HMCN1: variants seen among roughly 807,000 people sequenced by gnomAD.
HMCN1 encodes hemicentin 1.
In HMCN1, 321 loss-of-function variants were observed where a neutral mutation model predicts 625.9. The observed-to-expected ratio is 0.51, with a 90% CI of 0.47 to 0.56. HMCN1 has a LOEUF of 0.56. Among genes scored for constraint, HMCN1 ranks in the 20% least tolerant of loss-of-function variants. The pLI is 0.00. For synonymous variants in HMCN1, 2,425 were observed against 2,417.6 expected, an observed-to-expected ratio of 1.00 and a Z score of -0.09; for missense variants, 6,588 against 6,887.3, an observed-to-expected ratio of 0.96 and a Z score of 1.54.
At chr1:186,124,377 T>C (rs1370282441) in intron 81 of HMCN1, among the ~76,000 whole-genome samples, 2 of 151,984 alleles carry the variant, frequency 1.3e-5, no homozygotes, top group African/African-American at 2.4e-5. Flanking sequence ...CTAAAATCAA[T>C]ATAAAGTCAT....
intron 2 of HMCN1, among the ~76,000 whole-genome samples, chr1:185,859,129 TG>T (rs1353429696): frequency 1.7e-5 from 1 of 58,072 alleles, no homozygotes; most frequent in African/African-American, 1.2e-4. Context: ...TTATAAACTT[TG>T]TGTGTGTGTG....
chr1:185,783,234 G>C (rs1006305141), intron 1 of HMCN1, among the ~76,000 whole-genome samples: 1 of 152,134 alleles, frequency 6.6e-6, no homozygotes, highest in African/African-American at 2.4e-5. Flanking sequence ...GCTTATTCTA[G>C]TTACCCATTC....
chr1:185,914,682 C>A (rs1014571755), intron 6 of HMCN1, among the ~76,000 whole-genome samples: 1 of 151,822 alleles, frequency 6.6e-6, no homozygotes, highest in African/African-American at 2.4e-5. Flanking sequence ...CCACAAAGTT[C>A]AGCTCAAATG....
intron 1 of HMCN1, among the ~76,000 whole-genome samples, chr1:185,787,137 A>C (rs577887444): frequency 7.6e-6 from 1 of 132,284 alleles, no homozygotes; most frequent in East Asian, 2.1e-4. Flanking sequence ...AAGCGCCATG[A>C]TGTATGTGTG....
At chr1:185,868,178 T>C (rs1158307122) in intron 4 of HMCN1, among the ~76,000 whole-genome samples, 1 of 151,864 alleles carries the variant, frequency 6.6e-6, no homozygotes, top group South Asian at 2.1e-4. Context: ...ACAACAAAAG[T>C]GTGTCCTGGG....
rs141996379 is a variant in HMCN1 at position 185,747,719 on chromosome 1, A to G, written c.268+12672A>G. Among the ~76,000 whole-genome samples the G allele has an allele frequency of 2.1e-3, 318 of 152,364 alleles. 1 individual carries two copies. The highest frequency in any genetic ancestry group is 7.1e-3 in the African/African-American group (296 of 41,578). On this transcript the variant is annotated intron_variant, in intron 1 of 106. Coordinates refer to ENST00000271588, the MANE Select transcript of HMCN1 (RefSeq NM_031935.3). The stretch of plus-strand genomic sequence containing the variant: ...AGATGGGGAAAATTACATAGGAGCT[A>G]GGAATTCTGGGAATTATGTATGGGT...
chr1:185,807,499 A>G (rs1326206403), intron 1 of HMCN1, among the ~76,000 whole-genome samples: 1 of 152,238 alleles, frequency 6.6e-6, no homozygotes, highest in East Asian at 1.9e-4. Context: ...AGTAATATAC[A>G]CAGGAATACA....
At chr1:185,735,147 T>C in intron 1 of HMCN1, 100 bp downstream of exon 1, 3 of 1,356,568 alleles carry the variant, frequency 2.2e-6, no homozygotes, top group Non-Finnish European at 3.1e-6. Context: ...CAAAACCATT[T>C]TAAAAAAATG....
At chr1:185,957,144 A>G (rs1345606240) in intron 11 of HMCN1, 1 of 152,222 alleles carries the variant, frequency 6.6e-6, no homozygotes, top group Non-Finnish European at 1.5e-5. Context: ...TCATTATGTA[A>G]GTACTTTCTT....
At chr1:185,868,697 A>G (rs1663424969) in intron 4 of HMCN1, among the ~76,000 whole-genome samples, 1 of 152,208 alleles carries the variant, frequency 6.6e-6, no homozygotes, top group African/African-American at 2.4e-5. Context: ...GCTGCATGAG[A>G]AAGCACTAAT....
chr1:186,071,252 T>A (rs1474943653), intron 52 of HMCN1, among the ~76,000 whole-genome samples: 1 of 152,180 alleles, frequency 6.6e-6, no homozygotes, highest in Non-Finnish European at 1.5e-5. Context: ...TTAAGTATCT[T>A]TAACTCTTTT....
intron 1 of HMCN1, among the ~76,000 whole-genome samples, chr1:185,750,727 T>C (rs958263519): frequency 2.0e-5 from 3 of 152,284 alleles, no homozygotes; most frequent in African/African-American, 7.2e-5. Flanking sequence ...ATTGTGATTT[T>C]TAATATAGAC....
chr1:185,738,475 T>C (rs768773723), intron 1 of HMCN1, among the ~76,000 whole-genome samples: 13 of 152,262 alleles, frequency 8.5e-5, no homozygotes, highest in Non-Finnish European at 1.6e-4. Context: ...ATCCATGTTG[T>C]AGCATGTATT....
chr1:186,173,970 T>C (rs1652400281), intron 102 of HMCN1, among the ~76,000 whole-genome samples: 1 of 152,218 alleles, frequency 6.6e-6, no homozygotes, highest in Non-Finnish European at 1.5e-5. Flanking sequence ...AGAAACTCTT[T>C]TAAAAGAAAT....
At chr1:185,768,324 G>C (rs1656002811) in intron 1 of HMCN1, among the ~76,000 whole-genome samples, 1 of 152,128 alleles carries the variant, frequency 6.6e-6, no homozygotes, top group South Asian at 2.1e-4. Flanking sequence ...TTCAGTCATA[G>C]ATTAGATGAT....
At chr1:185,737,104 G>A in intron 1 of HMCN1, among the ~76,000 whole-genome samples, 1 of 151,534 alleles carries the variant, frequency 6.6e-6, no homozygotes, top group East Asian at 1.9e-4. Flanking sequence ...CTGTAGGTGT[G>A]TGTGTATAAT....
intron 89 of HMCN1, among the ~76,000 whole-genome samples, chr1:186,141,666 AC>A (rs1649971634): frequency 6.6e-6 from 1 of 152,208 alleles, no homozygotes; most frequent in South Asian, 2.1e-4. Flanking sequence ...CTCCTAGCTT[AC>A]ACTTATGTAG....
chr1:185,919,169 T>C (rs552016472), intron 6 of HMCN1, among the ~76,000 whole-genome samples: 2 of 151,988 alleles, frequency 1.3e-5, no homozygotes, highest in Non-Finnish European at 1.5e-5. Context: ...GAAATATGGC[T>C]GGACCTCCTC....
chr1:186,094,377 T>C lies in HMCN1; in HGVS notation c.10294+4T>C, dbSNP rs1053096509. The C allele has an allele frequency of 6.2e-7, 1 of 1,606,282 alleles. No individual in the cohort carries two copies. Among genetic ancestry groups the C allele is most frequent in the Non-Finnish European group, 8.5e-7 (1 of 1,173,374 alleles). On this transcript the variant is annotated splice_donor_region_variant and intron_variant, in intron 67 of 106. Transcript: ENST00000271588. ...CATTACAATCTTCAAGTGTTTGGTA[T>C]GTGTCACAGAAATGACCCTATTACT...
Sources: gnomAD v4.1 joint callset for allele counts (sites outside exome capture counted in the v4.1 genomes callset) on GRCh38, gnomAD v4.1.1 for gene constraint, MANE v1.5 for transcripts, NCBI Gene and HGNC (gene_info 2026-07-23, HGNC 2026-07-21) for gene names.